The following SLC12A8 variants were observed in gnomAD, a reference collection of about 807,000 sequenced individuals.
SLC12A8 encodes cation-chloride cotransporter 9.
In SLC12A8, 69 loss-of-function variants were observed where a neutral mutation model predicts 75.6. The ratio of observed to expected loss-of-function variants is 0.91; its 90% CI spans 0.75 to 1.11. The LOEUF (loss-of-function observed/expected upper bound fraction) is 1.11, where lower values mean the gene tolerates loss of function less well. Among genes scored for constraint, SLC12A8 ranks in the 50% most tolerant of loss-of-function variants. The probability of loss-of-function intolerance (pLI) is 0.00; values close to 1 mark genes in which losing one functional copy is unlikely to be tolerated. For missense variants in SLC12A8, 877 were observed against 896.7 expected, an observed-to-expected ratio of 0.98 and a Z score of 0.28; for synonymous variants, 365 against 372.8, an observed-to-expected ratio of 0.98 and a Z score of 0.24.
chr3:125,087,610 C>T (rs189785304), intron 13 of SLC12A8, among the ~76,000 whole-genome samples: 176 of 152,216 alleles, frequency 1.2e-3, no homozygotes, highest in African/African-American at 3.9e-3. Flanking sequence ...TCCTAGCCTG[C>T]AGCTCTAGCT....
chr3:125,208,066 G>A (rs1935259074), intron 2 of SLC12A8, among the ~76,000 whole-genome samples: 1 of 152,222 alleles, frequency 6.6e-6, no homozygotes, highest in Non-Finnish European at 1.5e-5. Context: ...CAGCAGCACA[G>A]TCAGAATGGG....
chr3:125,141,077 C>T (rs1365187108), intron 5 of SLC12A8, among the ~76,000 whole-genome samples: 2 of 151,612 alleles, frequency 1.3e-5, no homozygotes, highest in African/African-American at 4.9e-5. Flanking sequence ...CTGGGTTTGA[C>T]CTGAACATCT....
chr3:125,139,148 C>T (rs1042191143), intron 5 of SLC12A8, among the ~76,000 whole-genome samples: 1 of 152,152 alleles, frequency 6.6e-6, no homozygotes, highest in African/African-American at 2.4e-5. Context: ...TCCGTTTGTA[C>T]TCTGTTTCCC....
intron 2 of SLC12A8, 128 bp downstream of exon 2, chr3:125,211,171 T>C: frequency 1.3e-6 from 1 of 788,756 alleles, no homozygotes; most frequent in South Asian, 1.4e-5. Flanking sequence ...TTGAACTGGA[T>C]GACCAAAATA....
intron 10 of SLC12A8, among the ~76,000 whole-genome samples, chr3:125,104,160 C>T (rs184317922): frequency 2.3e-4 from 35 of 152,224 alleles, no homozygotes; most frequent in Middle Eastern, 3.4e-3. Context: ...GGCTGGAGTG[C>T]GGTGGAGTGA....
At position 125,101,936 on chromosome 3, in the gene SLC12A8, T is replaced by C. The variant is rs187245040; in HGVS notation, c.1705+5545A>G. 2.0e-5 allele frequency among the ~76,000 whole-genome samples: 3 copies of C among 152,268 alleles called. No homozygotes were observed. In the East Asian group the frequency reaches 5.8e-4, roughly 29 times the overall value. ...TACTGTATGGGAATATTGTGACGAGTACAGAGGTAAAAAGACATAGTTTGA... is the reference window on the plus strand; with the variant it reads ...TACTGTATGGGAATATTGTGACGAGCACAGAGGTAAAAAGACATAGTTTGA... On this transcript the variant is annotated intron_variant, in intron 10 of 13. Transcript: ENST00000469902.
chr3:125,209,208 T>C (rs569065857), intron 2 of SLC12A8, among the ~76,000 whole-genome samples: 4 of 152,344 alleles, frequency 2.6e-5, no homozygotes, highest in Admixed American at 2.0e-4. Context: ...ATTTGCCATC[T>C]GGGTGGCTTT....
At chr3:125,176,781 T>C (rs1479028788) in intron 5 of SLC12A8, among the ~76,000 whole-genome samples, 2 of 145,114 alleles carry the variant, frequency 1.4e-5, no homozygotes, top group Non-Finnish European at 3.1e-5. Flanking sequence ...TGAGATACCA[T>C]CTCACACCAG....
chr3:125,208,824 A>AGC (rs1553797749), intron 2 of SLC12A8, among the ~76,000 whole-genome samples: 5,310 of 125,656 alleles, frequency 0.042, 380 homozygotes, highest in African/African-American at 0.13. Context: ...AGAGAGAGAG[A>AGC]GCTACCCTAT....
chr3:125,198,120 T>C (rs904267710), intron 2 of SLC12A8, among the ~76,000 whole-genome samples: 1 of 152,052 alleles, frequency 6.6e-6, no homozygotes, highest in South Asian at 2.1e-4. Context: ...CTGCCAAAAA[T>C]AGAAAACCTA....
At chr3:125,160,356 T>C (rs1025854837) in intron 5 of SLC12A8, among the ~76,000 whole-genome samples, 1 of 152,354 alleles carries the variant, frequency 6.6e-6, no homozygotes, top group Admixed American at 6.5e-5. Flanking sequence ...AAGAGTTAAA[T>C]GAATTAATAC....
At chr3:125,113,183 T>C (rs147533647) in intron 8 of SLC12A8, among the ~76,000 whole-genome samples, 2 of 152,330 alleles carry the variant, frequency 1.3e-5, no homozygotes, top group Non-Finnish European at 2.9e-5. Context: ...ATATGGTGGC[T>C]TCCATCTTTG....
At chr3:125,097,353 C>G (rs1938741730) in intron 10 of SLC12A8, among the ~76,000 whole-genome samples, 1 of 151,312 alleles carries the variant, frequency 6.6e-6, no homozygotes, top group Non-Finnish European at 1.5e-5. Context: ...CACACCACTG[C>G]ATTGTAGCAT....
intron 6 of SLC12A8, among the ~76,000 whole-genome samples, chr3:125,128,342 G>A (rs1451214258): frequency 1.5e-4 from 21 of 136,834 alleles, no homozygotes; most frequent in African/African-American, 4.1e-4. Context: ...CACTACGCCC[G>A]GCTAATTTTT....
intron 5 of SLC12A8, among the ~76,000 whole-genome samples, chr3:125,141,257 CA>C (rs1203543948): frequency 2.0e-5 from 3 of 152,204 alleles, no homozygotes; most frequent in Admixed American, 6.5e-5. Flanking sequence ...GCTCTGTCTG[CA>C]GAAAGGCTTG....
intron 10 of SLC12A8, among the ~76,000 whole-genome samples, chr3:125,092,602 G>C (rs1245947892): frequency 3.3e-5 from 5 of 152,092 alleles, no homozygotes; most frequent in Non-Finnish European, 4.4e-5. Context: ...ATGAGAGATG[G>C]TCTTTGCTAC....
At chr3:125,208,361 G>A (rs6762589) in intron 2 of SLC12A8, among the ~76,000 whole-genome samples, 74,356 of 151,910 alleles carry the variant, frequency 0.49, 19,274 homozygotes, top group African/African-American at 0.64. Flanking sequence ...TGACTCAGCT[G>A]TGCTGAGTCA....
At chr3:125,144,576 G>C (rs1200954058) in intron 5 of SLC12A8, among the ~76,000 whole-genome samples, 1 of 152,142 alleles carries the variant, frequency 6.6e-6, no homozygotes, top group Admixed American at 6.5e-5. Context: ...CCAGGATAAC[G>C]GGCTGTTTTA....
intron 5 of SLC12A8, 55 bp downstream of exon 5, chr3:125,177,688 A>G: frequency 6.9e-7 from 1 of 1,447,656 alleles, no homozygotes; most frequent in Non-Finnish European, 9.7e-7. Context: ...ACCTACAAAC[A>G]TCTCTAAAGC....
Sources: allele counts gnomAD v4.1 joint callset (sites outside exome capture counted in the v4.1 genomes callset), GRCh38; gene constraint gnomAD v4.1.1; transcripts MANE v1.5; gene names NCBI Gene and HGNC (gene_info 2026-07-23, HGNC 2026-07-21).